SLC44A5: variants seen among roughly 807,000 people sequenced by gnomAD.
SLC44A5 encodes the protein choline transporter-like protein 5.
A neutral mutation model predicts 101.8 loss-of-function variants in SLC44A5; 57 were observed. The ratio of observed to expected loss-of-function variants is 0.56; its 90% CI spans 0.45 to 0.70. The LOEUF is 0.70. Ranked by LOEUF, SLC44A5 falls within the 30% of genes least tolerant of loss-of-function variation. The pLI is 0.00. For synonymous variants in SLC44A5, 281 were observed against 290.9 expected (o/e 0.97, Z 0.35); for missense variants, 737 against 853.1 (o/e 0.86, Z 1.70).
At chr1:75,626,671 T>C in the SLC44A5 span, among the ~76,000 whole-genome samples, 1 of 152,168 alleles carries the variant, frequency 6.6e-6, no homozygotes, top group Admixed American at 6.5e-5. Context: ...TTTCATTAGC[T>C]CAGTCCCTTC....
chr1:75,242,114 T>A, intron 8 of SLC44A5, 53 bp from the exon 9 acceptor site: 1 of 1,416,536 alleles, frequency 7.1e-7, no homozygotes, highest in Admixed American at 1.7e-5. Context: ...ATGATTACTT[T>A]ATACTGAATC....
At chr1:75,204,975 T>A (rs1430996725) in intron 23 of SLC44A5, 1 of 152,194 alleles carries the variant, frequency 6.6e-6, no homozygotes, top group Non-Finnish European at 1.5e-5. Context: ...TCTTGTTGAA[T>A]AATAAAAGAC....
chr1:75,404,556 G>T (rs1041605111), intron 2 of SLC44A5, among the ~76,000 whole-genome samples: 15 of 152,162 alleles, frequency 9.9e-5, no homozygotes, highest in Admixed American at 7.9e-4. Context: ...CATTCTTAAA[G>T]AAAAGAATTT....
At chr1:75,385,539 C>T (rs1469358440) in intron 3 of SLC44A5, among the ~76,000 whole-genome samples, 1 of 152,170 alleles carries the variant, frequency 6.6e-6, no homozygotes, top group Non-Finnish European at 1.5e-5. Context: ...AGACCAATAA[C>T]AGGCTCTGAA....
In SLC44A5 at chr1:75,280,603, A is replaced by G. The variant is rs534525455; in HGVS notation, c.176-5561T>C. ...GGCCTTGTGTCCCCACTAAAATCTC[A>G]TCTTGAATTGTTATCCAAATTATAA... On this transcript the variant is annotated intron_variant, in intron 5 of 23. Coordinates refer to ENST00000370859, the MANE Select transcript of SLC44A5 (RefSeq NM_001130058.2). Among the ~76,000 whole-genome samples the G allele has an allele frequency of 2.0e-5, 3 of 149,126 alleles. No homozygotes were observed. In the South Asian group the frequency reaches 6.3e-4, roughly 31 times the overall value.
chr1:75,505,142 C>T lies in SLC44A5; in HGVS notation c.13+36293G>A, dbSNP rs575786420. 8.5e-5 allele frequency among the ~76,000 whole-genome samples: 13 copies of T among 152,278 alleles called. No individual in the cohort carries two copies. The East Asian group carries it at 2.3e-3, about 27-fold the overall frequency. On this transcript the variant is annotated intron_variant, in intron 2 of 23. Transcript: ENST00000370859. ...CATTTAGGATGATGACCTAGAGCTG[C>T]ACCCATGTTGCTGCAAAGGACATGA...
At chr1:75,442,058 G>C (rs1436519170) in intron 2 of SLC44A5, among the ~76,000 whole-genome samples, 2 of 152,118 alleles carry the variant, frequency 1.3e-5, no homozygotes, top group African/African-American at 2.4e-5. Context: ...GAATATTACA[G>C]ACACTTGACA....
At chr1:75,428,037 G>A (rs1249784) in intron 2 of SLC44A5, among the ~76,000 whole-genome samples, 34,496 of 152,038 alleles carry the variant, frequency 0.23, 5,021 homozygotes, top group East Asian at 0.8. Flanking sequence ...CACTTCCCTC[G>A]AGTACGGCAA....
chr1:75,227,160 T>G (rs565331621), intron 13 of SLC44A5, among the ~76,000 whole-genome samples: 1 of 152,170 alleles, frequency 6.6e-6, no homozygotes, highest in South Asian at 2.1e-4. Flanking sequence ...AGCCCAGAAA[T>G]TCAAGACCAG....
chr1:75,513,555 G>C (rs1669673199), intron 2 of SLC44A5, among the ~76,000 whole-genome samples: 1 of 152,126 alleles, frequency 6.6e-6, no homozygotes, highest in South Asian at 2.1e-4. Flanking sequence ...ATCTCAAATG[G>C]AAGATACAAA....
At chr1:75,269,184 G>A (rs1257578458) in intron 6 of SLC44A5, among the ~76,000 whole-genome samples, 1 of 151,810 alleles carries the variant, frequency 6.6e-6, no homozygotes, top group African/African-American at 2.4e-5. Context: ...TTTTTTAACT[G>A]TAGTTGAACT....
chr1:75,275,898 A>G (rs1651877667), intron 5 of SLC44A5, among the ~76,000 whole-genome samples: 1 of 152,136 alleles, frequency 6.6e-6, no homozygotes, highest in Non-Finnish European at 1.5e-5. Flanking sequence ...ATATGGAAAC[A>G]TATCTCTTTG....
chr1:75,281,912 A>T (rs1003527005), intron 5 of SLC44A5, among the ~76,000 whole-genome samples: 1 of 152,028 alleles, frequency 6.6e-6, no homozygotes, highest in Non-Finnish European at 1.5e-5. Flanking sequence ...CTCATGGAGA[A>T]CCTCTGCTAG....
chr1:75,497,220 A>C (rs1426459022), intron 2 of SLC44A5, among the ~76,000 whole-genome samples: 1 of 152,114 alleles, frequency 6.6e-6, no homozygotes, highest in African/African-American at 2.4e-5. Context: ...AATATCCAAA[A>C]TATGGGAACA....
At chr1:75,227,348 G>C (rs1647225384) in intron 13 of SLC44A5, among the ~76,000 whole-genome samples, 1 of 152,066 alleles carries the variant, frequency 6.6e-6, no homozygotes, top group Non-Finnish European at 1.5e-5. Flanking sequence ...CTGGGTGATA[G>C]AGCAAGATCC....
chr1:75,651,167 A>G, the SLC44A5 span, among the ~76,000 whole-genome samples: 1 of 152,208 alleles, frequency 6.6e-6, no homozygotes, highest in East Asian at 1.9e-4. Context: ...ATTCTTAAAC[A>G]TATAAGCCCT....
intron 3 of SLC44A5, among the ~76,000 whole-genome samples, chr1:75,376,078 A>T (rs936614116): frequency 6.6e-6 from 1 of 152,196 alleles, no homozygotes; most frequent in African/African-American, 2.4e-5. Context: ...GGGGTGACGG[A>T]CGCACCTGGA....
intron 5 of SLC44A5, among the ~76,000 whole-genome samples, chr1:75,280,163 TTG>T (rs1157453164): frequency 4.7e-4 from 33 of 70,468 alleles, no homozygotes; most frequent in Middle Eastern, 8.1e-3. Flanking sequence ...ATATTATATA[TTG>T]TATATATAAT....
chr1:75,264,420 AT>A (rs1650818890), intron 6 of SLC44A5, among the ~76,000 whole-genome samples: 1 of 152,242 alleles, frequency 6.6e-6, no homozygotes, highest in Non-Finnish European at 1.5e-5. Context: ...TTGTGTGATT[AT>A]AAAAAATTAA....
Sources: gnomAD v4.1 joint callset for allele counts (sites outside exome capture counted in the v4.1 genomes callset) on GRCh38, gnomAD v4.1.1 for gene constraint, MANE v1.5 for transcripts, NCBI Gene and HGNC (gene_info 2026-07-23, HGNC 2026-07-21) for gene names.